The following NDOR1 variants were observed in gnomAD, a reference collection of about 807,000 sequenced individuals.
NDOR1 encodes the protein NADPH-dependent diflavin oxidoreductase 1.
A neutral mutation model predicts 67.2 loss-of-function variants in NDOR1; 61 were observed. The observed-to-expected ratio is 0.91, with a 90% CI of 0.74 to 1.12. The LOEUF is 1.12. Ranked by LOEUF, NDOR1 falls within the 50% of genes most tolerant of loss-of-function variation. The probability of loss-of-function intolerance (pLI) is 0.00; values close to 1 mark genes in which losing one functional copy is unlikely to be tolerated. For synonymous variants in NDOR1, 378 were observed against 343.7 expected (o/e 1.10, Z -1.10); for missense variants, 878 against 802.8 (o/e 1.09, Z -1.13).
chr9:137,210,105 C>T (rs763067083), intron 2 of NDOR1, among the ~76,000 whole-genome samples: 1 of 152,192 alleles, frequency 6.6e-6, no homozygotes, highest in Non-Finnish European at 1.5e-5. Context: ...ACACCCCACC[C>T]GAGGAAAGAC....
chr9:137,208,664 G>T (rs2131365498), intron 2 of NDOR1, among the ~76,000 whole-genome samples: 1 of 151,974 alleles, frequency 6.6e-6, no homozygotes, highest in African/African-American at 2.4e-5. Context: ...TCATGAGACA[G>T]AAAATTCAAA....
Position 137,215,812 on chromosome 9 carries a change from AC to A in NDOR1, c.1435+10del, listed in dbSNP as rs753223488. The A allele has an allele frequency of 2.5e-6, 4 of 1,599,736 alleles. No homozygotes were observed. The African/African-American group carries it at 4.0e-5, about 16-fold the overall frequency. ...GTGGCCCAGGGCCAGACTGGTGAGC[AC>A]CCAGGGTCTCCGGGCAGGGTTGTTG... On this transcript the variant is annotated splice_region_variant and intron_variant, in intron 11 of 13. Coordinates refer to ENST00000684003, the MANE Select transcript of NDOR1 (RefSeq NM_014434.4).
In NDOR1 at chr9:137,214,190, G is replaced by GTGCCCTCCCACAGCC; in HGVS notation, c.513-5_522dup. The GTGCCCTCCCACAGCC allele has an allele frequency of 6.2e-7, 1 of 1,604,530 alleles. No homozygotes were observed. Among genetic ancestry groups the GTGCCCTCCCACAGCC allele is most frequent in the Non-Finnish European group, 8.5e-7 (1 of 1,177,168 alleles). On this transcript the variant is annotated splice_polypyrimidine_tract_variant and intron_variant, in intron 5 of 13. Transcript: ENST00000684003. ...GGGAGTGGGTCCTGGTCTGACCAGCGTGCCCTCCCACAGCCTGCCCTCCAA... is the reference window on the plus strand; with the variant it reads ...GGGAGTGGGTCCTGGTCTGACCAGCGTGCCCTCCCACAGCCTGCCCTCCCACAGCCTGCCCTCCAA...
Position 137,215,911 on chromosome 9 carries a change from T to A in NDOR1, c.1448T>A (p.Phe483Tyr). 1 of 1,613,588 alleles carries A rather than the reference T, an allele frequency of 6.2e-7. No homozygotes were observed. Among genetic ancestry groups the A allele is most frequent in the South Asian group, 1.1e-5 (1 of 91,088 alleles). Residue 483 changes from phenylalanine (F) to tyrosine (Y), a missense_variant, in exon 12 of 14, where the codon TTT becomes TAT. Physicochemically the swap from Phe to Tyr is conservative, Grantham distance 22. Transcript: ENST00000684003. Reference protein sequence around the residue: ...VAQGQTGNFLFFGCRWRDQDF... With the variant: ...VAQGQTGNFLYFGCRWRDQDF... The stretch of plus-strand genomic sequence containing the variant: ...TGTATTTCCCTAGGAAACTTCTTGT[T>A]TTTTGGCTGCCGCTGGCGGGACCAA...
At chr9:137,214,492 G>A in intron 6 of NDOR1, 78 bp from the exon 7 acceptor site, 2 of 1,609,472 alleles carry the variant, frequency 1.2e-6, no homozygotes, top group Non-Finnish European at 1.7e-6. Flanking sequence ...GGGCCGGGCT[G>A]CAGGGGATGA....
Position 137,214,252 on chromosome 9 carries a change from G to T in NDOR1, c.561G>T (p.Thr187=). Residue 187 remains threonine, a synonymous_variant, in exon 6 of 14, where the codon ACG becomes ACT. Coordinates refer to ENST00000684003, the MANE Select transcript of NDOR1 (RefSeq NM_014434.4). ...TGTTCCTCCAAGAGGCACCCAGCAC[G>T]GGCTCTGAGGGGCAGCGGGTAGCTC... The part of the protein sequence containing the change: ...TLLFLQEAPS[T]GSEGQRVAHP... 1 of 1,613,306 alleles carries T rather than the reference G, an allele frequency of 6.2e-7. No homozygotes were observed.
rs762294457 is a variant in NDOR1, at chr9:137,214,828, C to T, written c.875C>T (p.Pro292Leu). Residue 292 changes from proline to leucine, a missense_variant, in exon 8 of 14, where the codon CCC becomes CTC. By Grantham distance (98) the Pro-to-Leu change is moderately conservative. Coordinates refer to ENST00000684003, the MANE Select transcript of NDOR1 (RefSeq NM_014434.4). ...DVSSPTRLPQ[P>L]CSMRHLVSHY... Reference sequence around the variant, plus strand: ...TCCTCCCCCACGAGGCTGCCCCAGCCCTGCTCCATGCGGCACCTCGTGTCC... The same window carrying T: ...TCCTCCCCCACGAGGCTGCCCCAGCTCTGCTCCATGCGGCACCTCGTGTCC... 1.2e-6 allele frequency: 2 copies of T among 1,607,810 alleles called. No individual in the cohort carries two copies. Among genetic ancestry groups the T allele is most frequent in the South Asian group, 2.2e-5 (2 of 91,090 alleles).
chr9:137,216,737 G>A lies in NDOR1; in HGVS notation c.*321G>A, dbSNP rs921946430. 36 of 393,028 alleles carry A rather than the reference G, an allele frequency of 9.2e-5. No homozygotes were observed. The Admixed American group carries it at 1.1e-3, about 12-fold the overall frequency. 24.3% of individuals were successfully genotyped at this position (393,028 alleles called of 1,614,324 possible). ...CCTCACCGGTGCAGTGACCCAGGACGGCATCAGCAGCCCAGTGAGCACCAG... is the reference window on the plus strand; with the variant it reads ...CCTCACCGGTGCAGTGACCCAGGACAGCATCAGCAGCCCAGTGAGCACCAG... On this transcript the variant is annotated 3_prime_UTR_variant, in exon 14 of 14. Coordinates refer to ENST00000684003, the MANE Select transcript of NDOR1 (RefSeq NM_014434.4).
intron 2 of NDOR1, among the ~76,000 whole-genome samples, chr9:137,206,833 C>A (rs897799749): frequency 6.6e-6 from 1 of 152,144 alleles, no homozygotes. Context: ...CTTATCTCAC[C>A]CAACCTTGGG....
Position 137,212,472 on chromosome 9 carries a change from ACT to A in NDOR1, c.214-27_214-26del, listed in dbSNP as rs1174288818. The stretch of plus-strand genomic sequence containing the variant: ...TGTGGGGCTAGCCTAGAGGTCGAGG[ACT>A]CTGACTCAGAGTTTCCTCCGGCTGT... On this transcript the variant is annotated intron_variant, in intron 2 of 13. Coordinates refer to ENST00000684003, the MANE Select transcript of NDOR1 (RefSeq NM_014434.4). This position sits in a 1 kb window ranked among gnomAD's most constrained non-coding sequence, Gnocchi z 4.3. 1 of 1,598,518 alleles carries A rather than the reference ACT, an allele frequency of 6.3e-7. No homozygotes were observed. Among genetic ancestry groups the A allele is most frequent in the Non-Finnish European group, 8.6e-7 (1 of 1,166,196 alleles).
At chr9:137,209,069 G>C (rs1447545963) in intron 2 of NDOR1, among the ~76,000 whole-genome samples, 1 of 152,058 alleles carries the variant, frequency 6.6e-6, no homozygotes, top group African/African-American at 2.4e-5. Flanking sequence ...TTTTAGTAGA[G>C]ATCGGGTTTC....
rs371123014 is a variant in NDOR1 at position 137,215,168 on chromosome 9, G to C, written c.1139G>C (p.Arg380Pro). 6.2e-7 allele frequency: 1 copy of C among 1,613,108 alleles called. No homozygotes were observed. The highest frequency in any genetic ancestry group is 1.1e-5 in the South Asian group (1 of 90,974). The change falls in exon 9 of 14, where the codon CGG (arginine) becomes CCG (proline). Residue 380 changes from arginine (R) to proline (P), a missense_variant. By Grantham distance (103) the Arg-to-Pro change is moderately radical (BLOSUM62 -2). Transcript: ENST00000684003. ...CTGTTGGACCTCATCCCCGTTATCC[G>C]GCCGAGGGCCTTCTCCATCGCCTCC... Reference protein sequence around the residue: ...DYLLDLIPVIRPRAFSIASSL... With the variant: ...DYLLDLIPVIPPRAFSIASSL...
intron 1 of NDOR1, 90 bp from the exon 2 acceptor site, chr9:137,206,142 G>T (rs1269794693): frequency 6.5e-7 from 1 of 1,535,054 alleles, no homozygotes; most frequent in Admixed American, 1.7e-5. Context: ...TGCCCTGTCA[G>T]CCTGAGTAAA....
Position 137,216,727 on chromosome 9 carries a change from G to A in NDOR1, c.*311G>A. The stretch of plus-strand genomic sequence containing the variant: ...GGCCGCTCCACCTCACCGGTGCAGT[G>A]ACCCAGGACGGCATCAGCAGCCCAG... On this transcript the variant is annotated 3_prime_UTR_variant, in exon 14 of 14. Transcript: ENST00000684003. The A allele has an allele frequency of 2.4e-6, 1 of 416,134 alleles. No homozygotes were observed. Among genetic ancestry groups the A allele is most frequent in the Non-Finnish European group, 4.5e-6 (1 of 224,142 alleles). 25.8% of individuals were successfully genotyped at this position (416,134 alleles called of 1,614,324 possible). A position where few individuals can be genotyped will look rare whatever the true frequency, so the allele number is the denominator to read the frequency against.
chr9:137,211,108 T>G (rs1193478664), intron 2 of NDOR1, among the ~76,000 whole-genome samples: 1 of 152,138 alleles, frequency 6.6e-6, no homozygotes, highest in Non-Finnish European at 1.5e-5. Context: ...ACCATTGCAC[T>G]CCAGCCTGGG....
At chr9:137,208,823 CA>C (rs993375471) in intron 2 of NDOR1, among the ~76,000 whole-genome samples, 71 of 140,664 alleles carry the variant, frequency 5.0e-4, no homozygotes, top group Non-Finnish European at 3.7e-4. Flanking sequence ...GACCCTGTCT[CA>C]AAAAAAAAAA....
rs1182292946 is a variant in NDOR1, at chr9:137,214,595, A to C, written c.748A>C (p.Ile250Leu). The change falls in exon 7 of 14, where the codon ATT becomes CTT. Residue 250 changes from isoleucine (I) to leucine (L), a missense_variant. Transcript: ENST00000684003. ...CTTTGCTGCTGGTGATGTGGTGCTG[A>C]TTCAGCCCTCCAACTCGGCTGCCCA... is the stretch of plus-strand genomic sequence containing the variant. Reference protein sequence around the residue: ...ISFAAGDVVLIQPSNSAAHVQ... With the variant: ...ISFAAGDVVLLQPSNSAAHVQ... 1.2e-6 allele frequency: 2 copies of C among 1,611,278 alleles called. No individual in the cohort carries two copies. The highest frequency in any genetic ancestry group is 2.2e-5 in the East Asian group (1 of 44,882).
At chr9:137,209,099 T>G (rs911389870) in intron 2 of NDOR1, among the ~76,000 whole-genome samples, 2 of 152,008 alleles carry the variant, frequency 1.3e-5, no homozygotes, top group African/African-American at 4.8e-5. Context: ...GCCAGGATGA[T>G]CTCAATCTCC....
In NDOR1 at chr9:137,214,556, C is replaced by T. The variant is rs1227924989; in HGVS notation, c.723-14C>T. Reference sequence around the variant, plus strand: ...TGCGGCGTCCCCACAGCCCTGGTGGCTTCTTCCACACAGCTTTGCTGCTGG... The same window carrying T: ...TGCGGCGTCCCCACAGCCCTGGTGGTTTCTTCCACACAGCTTTGCTGCTGG... On this transcript the variant is annotated splice_polypyrimidine_tract_variant and intron_variant, in intron 6 of 13. Transcript: ENST00000684003. 1 of 1,611,190 alleles carries T rather than the reference C, an allele frequency of 6.2e-7. No homozygotes were observed. Among genetic ancestry groups the T allele is most frequent in the East Asian group, 2.2e-5 (1 of 44,882 alleles).
Sources: gnomAD v4.1 joint callset for allele counts (sites outside exome capture counted in the v4.1 genomes callset) on GRCh38, gnomAD v4.1.1 for gene constraint, Gnocchi (gnomAD v3.1) non-coding constraint, MANE v1.5 for transcripts, NCBI Gene and HGNC (gene_info 2026-07-23, HGNC 2026-07-21) for gene names.